The following TAOK1 variants were observed in gnomAD, a reference collection of about 807,000 sequenced individuals.
TAOK1 encodes TAO kinase 1.
In TAOK1, 21 loss-of-function variants were observed where a neutral mutation model predicts 138.3. The ratio of observed to expected loss-of-function variants is 0.15; its 90% confidence interval spans 0.11 to 0.22. The LOEUF (loss-of-function observed/expected upper bound fraction) is 0.22. Ranked by LOEUF, TAOK1 falls within the 10% of genes least tolerant of loss-of-function variation. The pLI, the probability that TAOK1 is intolerant of heterozygous loss-of-function variation, is 1.00. For missense variants in TAOK1, 651 were observed against 1,227.7 expected, an observed-to-expected ratio of 0.53 and a Z score of 7.02; for synonymous variants, 361 against 398.4, an observed-to-expected ratio of 0.91 and a Z score of 1.12.
chr17:29,427,322 C>T (rs73274680), intron 1 of TAOK1, among the ~76,000 whole-genome samples: 5,576 of 152,032 alleles, frequency 0.037, 315 homozygotes, highest in African/African-American at 0.13. Context: ...TGGCTAGGTG[C>T]GGTGGCTCAC....
rs2032084953 is a variant in TAOK1 at position 29,530,633 on chromosome 17, T to C, written c.2361+14T>C. 6.2e-7 allele frequency: 1 copy of C among 1,612,456 alleles called. No homozygotes were observed. Among genetic ancestry groups the C allele is most frequent in the African/African-American group, 1.3e-5 (1 of 74,884 alleles). Reference sequence around the variant, plus strand: ...TCCACACAAGCCGTGAGTTTGCTTTTTTTGGGGCAAAACAAATTTAGTGCC... The same window carrying C: ...TCCACACAAGCCGTGAGTTTGCTTTCTTTGGGGCAAAACAAATTTAGTGCC... On this transcript the variant is annotated intron_variant, in intron 18 of 19. Transcript: ENST00000261716.
At chr17:29,507,565 A>G (rs1449759211) in intron 13 of TAOK1, among the ~76,000 whole-genome samples, 4 of 152,124 alleles carry the variant, frequency 2.6e-5, no homozygotes, top group Admixed American at 2.6e-4. Flanking sequence ...ACATATGTGG[A>G]TCTCTTTCTA....
intron 12 of TAOK1, among the ~76,000 whole-genome samples, chr17:29,501,139 C>T (rs2681174): frequency 1.2e-4 from 18 of 149,476 alleles, no homozygotes; most frequent in Admixed American, 1.0e-3. Flanking sequence ...AATCCCAGCA[C>T]TTGGGGAGGC....
At chr17:29,422,105 G>T (rs1905464118) in intron 1 of TAOK1, among the ~76,000 whole-genome samples, 2 of 152,052 alleles carry the variant, frequency 1.3e-5, no homozygotes, top group South Asian at 4.2e-4. Context: ...CACTGTGTTA[G>T]CCAGGATGGT....
chr17:29,525,774 G>C (rs950640313), intron 17 of TAOK1, among the ~76,000 whole-genome samples: 1 of 152,228 alleles, frequency 6.6e-6, no homozygotes, highest in Non-Finnish European at 1.5e-5. Context: ...GGAAGGCCGA[G>C]GCAGGGGATC....
intron 11 of TAOK1, among the ~76,000 whole-genome samples, chr17:29,496,648 C>T (rs139947462): frequency 2.2e-5 from 3 of 139,348 alleles, no homozygotes; most frequent in African/African-American, 8.2e-5. Flanking sequence ...AGTACAGTGG[C>T]ACGATCTCGG....
chr17:29,474,067 C>A (rs570946276), intron 3 of TAOK1, among the ~76,000 whole-genome samples: 2 of 152,224 alleles, frequency 1.3e-5, no homozygotes, highest in South Asian at 4.1e-4. Context: ...GAGATAATTT[C>A]TTTCCTTAAA....
intron 9 of TAOK1, among the ~76,000 whole-genome samples, chr17:29,491,340 C>T (rs1336427652): frequency 1.3e-5 from 2 of 152,090 alleles, no homozygotes; most frequent in Non-Finnish European, 2.9e-5. Flanking sequence ...GGTATAAAAA[C>T]ACTCTCTCCA....
chr17:29,498,840 C>T (rs749732380), intron 12 of TAOK1, among the ~76,000 whole-genome samples: 13 of 151,860 alleles, frequency 8.6e-5, no homozygotes, highest in African/African-American at 1.7e-4. Context: ...GTGGGAGAAT[C>T]GCTTGAACCT....
chr17:29,421,114 G>A (rs1170623839), intron 1 of TAOK1, among the ~76,000 whole-genome samples: 2 of 151,680 alleles, frequency 1.3e-5, no homozygotes, highest in Non-Finnish European at 2.9e-5. Flanking sequence ...ATTTTTTGTA[G>A]AGACAGGTTT....
intron 15 of TAOK1, chr17:29,513,597 G>A (rs1417922250): frequency 6.6e-6 from 1 of 152,184 alleles, no homozygotes; most frequent in Non-Finnish European, 1.5e-5. Flanking sequence ...GAGAGGAAGG[G>A]ACATATCAGA....
intron 8 of TAOK1, among the ~76,000 whole-genome samples, chr17:29,484,846 C>G (rs905223791): frequency 6.6e-6 from 1 of 152,210 alleles, no homozygotes; most frequent in Admixed American, 6.6e-5. Context: ...TTCAGGTGAT[C>G]CACCCACCTC....
At chr17:29,456,967 T>C (rs2030394498) in intron 2 of TAOK1, among the ~76,000 whole-genome samples, 1 of 150,258 alleles carries the variant, frequency 6.7e-6, no homozygotes, top group Non-Finnish European at 1.5e-5. Flanking sequence ...TCTCCTGGTC[T>C]TGTGATCCGC....
At chr17:29,489,608 A>G in intron 8 of TAOK1, 56 bp from the exon 9 acceptor site, 1 of 1,164,812 alleles carries the variant, frequency 8.6e-7, no homozygotes, top group Non-Finnish European at 1.2e-6. Context: ...AAACGTGCCC[A>G]GGACTTGAGT....
intron 1 of TAOK1, among the ~76,000 whole-genome samples, chr17:29,406,566 T>C (rs2153020551): frequency 6.6e-6 from 1 of 152,298 alleles, no homozygotes; most frequent in East Asian, 1.9e-4. Context: ...CTCACTGTTT[T>C]GCCCAGACTG....
chr17:29,468,619 C>T (rs2030740120), intron 3 of TAOK1, among the ~76,000 whole-genome samples: 1 of 151,646 alleles, frequency 6.6e-6, no homozygotes, highest in Non-Finnish European at 1.5e-5. Flanking sequence ...GCGATCTTGG[C>T]TCACTGTAAC....
chr17:29,514,893 G>C (rs1263576023), intron 15 of TAOK1: 1 of 149,920 alleles, frequency 6.7e-6, no homozygotes, highest in Non-Finnish European at 1.5e-5. Flanking sequence ...TAGCTACTCA[G>C]TAGTCTTAGG....
chr17:29,488,121 C>A (rs181619000), intron 8 of TAOK1, among the ~76,000 whole-genome samples: 2 of 152,184 alleles, frequency 1.3e-5, no homozygotes, highest in African/African-American at 4.8e-5. Context: ...CCAGAACCCC[C>A]TCAGATAACA....
intron 16 of TAOK1, among the ~76,000 whole-genome samples, chr17:29,518,374 A>G (rs1598518578): frequency 6.6e-6 from 1 of 152,198 alleles, no homozygotes; most frequent in East Asian, 1.9e-4. Flanking sequence ...AGTGCCAGCT[A>G]CCTGGGAGGC....
Sources: gnomAD v4.1 joint callset for allele counts (sites outside exome capture counted in the v4.1 genomes callset) on GRCh38, gnomAD v4.1.1 for gene constraint, MANE v1.5 for transcripts, NCBI Gene and HGNC (gene_info 2026-07-23, HGNC 2026-07-21) for gene names.